Variants in HEXA observed in about 807,000 individuals in gnomAD.
HEXA encodes the protein beta-hexosaminidase subunit alpha.
A neutral mutation model predicts 73.3 loss-of-function variants in HEXA; 54 were observed. The ratio of observed to expected loss-of-function variants is 0.74; its 90% CI spans 0.59 to 0.92. HEXA has a LOEUF of 0.92. Among genes scored for constraint, HEXA ranks in the 40% least tolerant of loss-of-function variants. HEXA has a pLI of 0.00. For missense variants in HEXA, 649 were observed against 653.0 expected (o/e 0.99, Z 0.07); for synonymous variants, 230 against 246.9 (o/e 0.93, Z 0.64).
At chr15:72,374,203 CAT>C (rs2089028912) in intron 1 of HEXA, among the ~76,000 whole-genome samples, 1 of 138,362 alleles carries the variant, frequency 7.2e-6, no homozygotes, top group African/African-American at 2.5e-5. Flanking sequence ...CTGGGATTGA[CAT>C]ATACCAGTTA....
intron 13 of HEXA, 112 bp downstream of exon 13, chr15:72,345,334 T>G (rs886509268): frequency 6.5e-7 from 1 of 1,548,390 alleles, no homozygotes; most frequent in Non-Finnish European, 8.7e-7. Context: ...GGGCTGACTA[T>G]AAGCCTCTGT....
rs762847297 is a variant in HEXA, at chr15:72,344,037, C to T, written c.*40G>A. 5 of 1,561,724 alleles carry T rather than the reference C, an allele frequency of 3.2e-6. No homozygotes were observed. The highest frequency in any genetic ancestry group is 4.4e-6 in the Non-Finnish European group (5 of 1,132,834). ...ATGCAGTGGAAGCCTGGCTCCACTA[C>T]CATTCACCTACAGCCAGCACCCTCC... is the stretch of plus-strand genomic sequence containing the variant. On this transcript the variant is annotated 3_prime_UTR_variant, in exon 14 of 14. Coordinates refer to ENST00000268097, the MANE Select transcript of HEXA (RefSeq NM_000520.6).
In HEXA at chr15:72,356,604, T is replaced by G. The variant is rs924112367; in HGVS notation, c.267A>C (p.Thr89=). Reference sequence around the variant, plus strand: ...AGACAACCAACACATTCTTCTCCAGTGTATGCCGTTTCCCTAGGAAGACAG... The same window carrying G: ...AGACAACCAACACATTCTTCTCCAGGGTATGCCGTTTCCCTAGGAAGACAG... ...PRPYLTGKRH[T]LEKNVLVVSV... Residue 89 remains threonine, a synonymous_variant, in exon 2 of 14, where the codon ACA becomes ACC. Coordinates refer to ENST00000268097, the MANE Select transcript of HEXA (RefSeq NM_000520.6). 6.2e-7 allele frequency: 1 copy of G among 1,614,010 alleles called. No individual in the cohort carries two copies. The highest frequency in any genetic ancestry group is 8.5e-7 in the Non-Finnish European group (1 of 1,179,998).
In HEXA at chr15:72,343,750, A is replaced by C. The variant is rs1033088636; in HGVS notation, c.*327T>G. On this transcript the variant is annotated 3_prime_UTR_variant, in exon 14 of 14. Transcript: ENST00000268097. ...GTGACATAGCTCACAGGCAAGGCAG[A>C]ACAGCACAAAGGCTATAGGTTTCAT... The C allele has an allele frequency of 2.7e-6, 1 of 364,544 alleles. No individual in the cohort carries two copies. The highest frequency in any genetic ancestry group is 5.3e-6 in the Non-Finnish European group (1 of 187,598). The allele number at this position is 364,544 out of a possible 1,614,324, so 22.6% of individuals were successfully genotyped here.
rs750727201 is a variant in HEXA at position 72,346,263 on chromosome 15, C to T, written c.1393G>A (p.Asp465Asn). The T allele has an allele frequency of 4.7e-5, 76 of 1,613,822 alleles. No individual in the cohort carries two copies. The highest frequency in any genetic ancestry group is 6.4e-5 in the Non-Finnish European group (75 of 1,179,910). ...AGCCTGGGGACCAGGTTTGTGTTGT[C>T]CACATATTCTCCCCACATACAAGCC... ...GEACMWGEYV[D>N]NTNLVPRLWP... The change falls in exon 12 of 14, where the codon GAC becomes AAC. Residue 465 changes from aspartate (D) to asparagine (N), a missense_variant. Coordinates refer to ENST00000268097, the MANE Select transcript of HEXA (RefSeq NM_000520.6).
In HEXA at chr15:72,353,180, TGTGCA is replaced by T; in HGVS notation, c.460-7_460-3del. The T allele has an allele frequency of 6.4e-7, 1 of 1,570,424 alleles. No homozygotes were observed. Among genetic ancestry groups the T allele is most frequent in the Non-Finnish European group, 8.8e-7 (1 of 1,140,880 alleles). On this transcript the variant is annotated splice_polypyrimidine_tract_variant and splice_region_variant and intron_variant, in intron 4 of 13. Coordinates refer to ENST00000268097, the MANE Select transcript of HEXA (RefSeq NM_000520.6). ...AATCTCAGTCTTGTTGATAAAGAAC[TGTGCA>T]GAACAAACATTGAACATGTCAGTTT...
intron 12 of HEXA, chr15:72,345,889 A>G: frequency 1.9e-6 from 1 of 523,358 alleles, no homozygotes; most frequent in South Asian, 2.1e-5. Flanking sequence ...ATACTTGGTA[A>G]GGCTGCAGTG....
Position 72,343,722 on chromosome 15 carries a change from G to C in HEXA, c.*355C>G, listed in dbSNP as rs188399769. The C allele has an allele frequency of 5.8e-4, 193 of 331,296 alleles. 1 individual carries two copies. In the East Asian group the frequency reaches 0.012, roughly 21 times the overall value. 20.5% of individuals were successfully genotyped at this position (331,296 alleles called of 1,614,324 possible). The stretch of plus-strand genomic sequence containing the variant: ...CTGGAATATGGTCAGGAGTGGGAGG[G>C]GAGTGACATAGCTCACAGGCAAGGC... On this transcript the variant is annotated 3_prime_UTR_variant, in exon 14 of 14. Transcript: ENST00000268097.
chr15:72,362,266 TC>T lies in HEXA; in HGVS notation c.254-5650del, dbSNP rs967214824. ...TCCTTTTAGGAAACTTTTCTGTTAT[TC>T]CCCCCCTCTTTCCTAAGAAACCCTC... On this transcript the variant is annotated intron_variant, in intron 1 of 13. Transcript: ENST00000268097. 38 of 203,674 alleles carry T rather than the reference TC, an allele frequency of 1.9e-4. 1 individual carries two copies. The highest frequency in any genetic ancestry group is 1.6e-3 in the Admixed American group (26 of 16,580). The allele number at this position is 203,674 out of a possible 1,614,324, so 12.6% of individuals were successfully genotyped here. A position where few individuals can be genotyped will look rare whatever the true frequency, so the allele number is the denominator to read the frequency against.
chr15:72,375,468 TGAACA>T (rs2089050244), intron 1 of HEXA, among the ~76,000 whole-genome samples: 1 of 152,218 alleles, frequency 6.6e-6, no homozygotes, highest in South Asian at 2.1e-4. Context: ...CTGGCTAGCT[TGAACA>T]CGGTCAGAAG....
intron 1 of HEXA, among the ~76,000 whole-genome samples, chr15:72,375,226 C>T (rs2089045783): frequency 6.6e-6 from 1 of 152,066 alleles, no homozygotes; most frequent in African/African-American, 2.4e-5. Flanking sequence ...GTAGCTGGGA[C>T]TACAGGCGCG....
intron 13 of HEXA, among the ~76,000 whole-genome samples, chr15:72,344,929 C>CA (rs1441569527): frequency 6.6e-6 from 1 of 152,202 alleles, no homozygotes; most frequent in Non-Finnish European, 1.5e-5. Flanking sequence ...TGGGCAAGGT[C>CA]CTGAACTCTG....
intron 1 of HEXA, among the ~76,000 whole-genome samples, chr15:72,368,499 A>G (rs559684400): frequency 6.4e-4 from 98 of 152,314 alleles, no homozygotes; most frequent in African/African-American, 2.3e-3. Flanking sequence ...AAGGGCAATA[A>G]CATACATCAA....
chr15:72,350,327 T>G (rs1344514703), intron 7 of HEXA, 191 bp downstream of exon 7: 1 of 682,614 alleles, frequency 1.5e-6, no homozygotes, highest in Non-Finnish European at 2.6e-6. Context: ...AGTACATATT[T>G]TAATAGTAAG....
chr15:72,360,553 TAAATTATTTCCCCTTTTCCCAAAGCCTTC>T (rs1441587551), intron 1 of HEXA: 1 of 152,288 alleles, frequency 6.6e-6, no homozygotes, highest in Non-Finnish European at 1.5e-5. Context: ...TCCTCTTGTA[TAAATTATTTCCCCTTTTCCCAAAGCCTTC>T]AAATTATTTC....
intron 1 of HEXA, among the ~76,000 whole-genome samples, chr15:72,362,858 T>C (rs2088868427): frequency 6.6e-6 from 1 of 152,152 alleles, no homozygotes; most frequent in African/African-American, 2.4e-5. Context: ...TTCCATCGTA[T>C]CAATGTGTTT....
At chr15:72,347,902 A>C (rs1319602963) in intron 9 of HEXA, 144 bp from the exon 10 acceptor site, 2 of 986,190 alleles carry the variant, frequency 2.0e-6, no homozygotes, top group Non-Finnish European at 3.2e-6. Flanking sequence ...AAAACCAACC[A>C]CTCCAAATCT....
chr15:72,375,439 TCA>T (rs1454608359), intron 1 of HEXA, among the ~76,000 whole-genome samples: 1 of 152,236 alleles, frequency 6.6e-6, no homozygotes, highest in African/African-American at 2.4e-5. Flanking sequence ...CAGCCCTTGC[TCA>T]CAGTCTCACT....
In HEXA at chr15:72,355,487, C is replaced by G. The variant is rs939706577; in HGVS notation, c.412+72G>C. On this transcript the variant is annotated intron_variant, in intron 3 of 13. Coordinates refer to ENST00000268097, the MANE Select transcript of HEXA (RefSeq NM_000520.6). ...GTTGCAGTGAGCAGGGACTGGGCCACTGCACTCCACCAACACCAACCTTCC... is the reference window on the plus strand; with the variant it reads ...GTTGCAGTGAGCAGGGACTGGGCCAGTGCACTCCACCAACACCAACCTTCC... 1.7e-5 allele frequency: 18 copies of G among 1,076,416 alleles called. No homozygotes were observed. In the African/African-American group the frequency reaches 2.6e-4, roughly 16 times the overall value. 66.7% of individuals were successfully genotyped at this position (1,076,416 alleles called of 1,614,324 possible).
Sources: gnomAD v4.1 joint callset for allele counts (sites outside exome capture counted in the v4.1 genomes callset) on GRCh38, gnomAD v4.1.1 for gene constraint, MANE v1.5 for transcripts, NCBI Gene and HGNC (gene_info 2026-07-23, HGNC 2026-07-21) for gene names.